RRM2B: variants seen among roughly 807,000 people sequenced by gnomAD.
RRM2B encodes the protein ribonucleotide reductase regulatory TP53 inducible subunit M2B.
In RRM2B, 20 loss-of-function variants were observed where a neutral mutation model predicts 45.9. That is an observed-to-expected ratio of 0.44 (90% CI 0.31 to 0.63). The LOEUF (loss-of-function observed/expected upper bound fraction) is 0.63. RRM2B is among the 30% of genes least tolerant of loss of function. RRM2B has a pLI of 0.09. For missense variants in RRM2B, 320 were observed against 414.7 expected (o/e 0.77, Z 1.98); for synonymous variants, 124 against 132.3 (o/e 0.94, Z 0.43).
rs1397091051 is a variant in RRM2B, at chr8:102,214,175, A to G, written c.685-17T>C. 6 of 1,541,222 alleles carry G rather than the reference A, an allele frequency of 3.9e-6. No individual in the cohort carries two copies. The highest frequency in any genetic ancestry group is 4.5e-6 in the Non-Finnish European group (5 of 1,114,356). ...GTGAAGTCCCTAAAAGGGAAGAAAA[A>G]TGTCATTGTCAAATAACTTTTAATC... On this transcript the variant is annotated splice_polypyrimidine_tract_variant and intron_variant, in intron 6 of 8. Coordinates refer to ENST00000251810, the MANE Select transcript of RRM2B (RefSeq NM_015713.5).
At position 102,224,879 on chromosome 8, in the gene RRM2B, C is replaced by T. The variant is rs767145845; in HGVS notation, c.455+6G>A. On this transcript the variant is annotated splice_donor_region_variant and intron_variant, in intron 4 of 8. Coordinates refer to ENST00000251810, the MANE Select transcript of RRM2B (RefSeq NM_015713.5). The stretch of plus-strand genomic sequence containing the variant: ...CAATATTTTGTAAATAAAATCCCAA[C>T]AATACCTTTTCTTGGGATCTCTGAT... 8 of 1,612,818 alleles carry T rather than the reference C, an allele frequency of 5.0e-6. No homozygotes were observed. Among genetic ancestry groups the T allele is most frequent in the African/African-American group, 2.7e-5 (2 of 74,898 alleles).
chr8:102,226,010 G>C lies in RRM2B; in HGVS notation c.229C>G (p.His77Asp). Reference protein sequence around the residue: ...EEVDLSKDLPHWNKLKADEKY... With the variant: ...EEVDLSKDLPDWNKLKADEKY... Reference sequence around the variant, plus strand: ...TCATCTGCTTTAAGCTTGTTCCAGTGAGGGAGATCCTTTGATAAGTCGACC... The same window carrying C: ...TCATCTGCTTTAAGCTTGTTCCAGTCAGGGAGATCCTTTGATAAGTCGACC... Residue 77 changes from histidine (H) to aspartate (D), a missense_variant, in exon 3 of 9, where the codon CAC (histidine) becomes GAC (aspartate). Physicochemically the swap from His to Asp is moderately conservative, Grantham distance 81 (BLOSUM62 -1). This residue lies in a region of RRM2B where 225 missense variants were observed against 289.4 expected (regional missense o/e 0.78). Coordinates refer to ENST00000251810, the MANE Select transcript of RRM2B (RefSeq NM_015713.5). 6.2e-7 allele frequency: 1 copy of C among 1,610,540 alleles called. No homozygotes were observed. Among genetic ancestry groups the C allele is most frequent in the African/African-American group, 1.3e-5 (1 of 74,950 alleles).
chr8:102,214,304 T>C lies in RRM2B; in HGVS notation c.685-146A>G. 7 of 669,562 alleles carry C rather than the reference T, an allele frequency of 1.0e-5. No homozygotes were observed. The South Asian group carries it at 1.1e-4, about 11-fold the overall frequency. The allele number at this position is 669,562 out of a possible 1,614,324, so 41.5% of individuals were successfully genotyped here. A position where few individuals can be genotyped will look rare whatever the true frequency, so the allele number is the denominator to read the frequency against. ...AAGAGGGGTTAATAGGACTAGGAAC[T>C]TCCTTCTTTCAAATCTCATTAAATG... On this transcript the variant is annotated intron_variant, in intron 6 of 8. Coordinates refer to ENST00000251810, the MANE Select transcript of RRM2B (RefSeq NM_015713.5).
At chr8:102,225,876 C>A (rs770077260) in intron 3 of RRM2B, 42 bp downstream of exon 3, 4 of 1,044,724 alleles carry the variant, frequency 3.8e-6, no homozygotes, top group South Asian at 3.8e-5. Context: ...CATCATTTAA[C>A]TGCTAAAGGA....
intron 8 of RRM2B, among the ~76,000 whole-genome samples, chr8:102,208,816 G>A (rs1226391482): frequency 1.3e-5 from 2 of 152,088 alleles, no homozygotes; most frequent in Non-Finnish European, 2.9e-5. Flanking sequence ...AACAAAAAGG[G>A]GGACTATGCT....
In RRM2B at chr8:102,212,898, A is replaced by G. The variant is rs573435546; in HGVS notation, c.790-9T>C. The stretch of plus-strand genomic sequence containing the variant: ...GCTTCTGTTAAAAACTCCTGGGATG[A>G]AAACAAAAACAGAATAAAGTACAAA... On this transcript the variant is annotated splice_polypyrimidine_tract_variant and intron_variant, in intron 7 of 8. Coordinates refer to ENST00000251810, the MANE Select transcript of RRM2B (RefSeq NM_015713.5). The G allele has an allele frequency of 3.6e-5, 48 of 1,325,304 alleles. No individual in the cohort carries two copies. The South Asian group carries it at 4.6e-4, about 13-fold the overall frequency. 82.1% of individuals were successfully genotyped at this position (1,325,304 alleles called of 1,614,324 possible).
chr8:102,231,066 C>A (rs1037324401), intron 2 of RRM2B, among the ~76,000 whole-genome samples: 1 of 152,164 alleles, frequency 6.6e-6, no homozygotes, highest in Non-Finnish European at 1.5e-5. Flanking sequence ...ATAGATACAT[C>A]TATCTATAGA....
chr8:102,237,741 G>A (rs1811145788), intron 1 of RRM2B, among the ~76,000 whole-genome samples: 1 of 152,156 alleles, frequency 6.6e-6, no homozygotes, highest in African/African-American at 2.4e-5. Flanking sequence ...CCTTTGAGTA[G>A]GGAAGTTGGT....
At chr8:102,224,264 C>T in intron 4 of RRM2B, 124 bp from the exon 5 acceptor site, 3 of 657,028 alleles carry the variant, frequency 4.6e-6, no homozygotes, top group Non-Finnish European at 8.2e-6. Flanking sequence ...TCACTGCAAG[C>T]TCCACCTCCC....
At chr8:102,215,971 A>G (rs868118777) in intron 6 of RRM2B, among the ~76,000 whole-genome samples, 1 of 150,026 alleles carries the variant, frequency 6.7e-6, no homozygotes, top group Non-Finnish European at 1.5e-5. Context: ...AAAAAAGAAT[A>G]GAATAAACGG....
chr8:102,231,095 T>TAC (rs1427346006), intron 2 of RRM2B, among the ~76,000 whole-genome samples: 5 of 152,196 alleles, frequency 3.3e-5, no homozygotes, highest in Non-Finnish European at 5.9e-5. Flanking sequence ...TACAAACATA[T>TAC]ACAGAACAAG....
rs746193486 is a variant in RRM2B at position 102,238,862 on chromosome 8, C to T, written c.13G>A (p.Glu5Lys). The T allele has an allele frequency of 6.2e-7, 1 of 1,612,668 alleles. No individual in the cohort carries two copies. Among genetic ancestry groups the T allele is most frequent in the South Asian group, 1.1e-5 (1 of 91,086 alleles). Residue 5 changes from glutamate to lysine, a missense_variant, in exon 1 of 9, where the codon GAA (glutamate) becomes AAA (lysine). Coordinates refer to ENST00000251810, the MANE Select transcript of RRM2B (RefSeq NM_015713.5). The stretch of plus-strand genomic sequence containing the variant: ...TCCAGCCCGGCCGCTTCCGGCCTTT[C>T]CGGGTCGCCCATCGCGCAGACTCCG... The part of the protein sequence containing the change: MGDP[E>K]RPEAAGLDQD...
At chr8:102,226,796 C>T (rs573097180) in intron 2 of RRM2B, among the ~76,000 whole-genome samples, 32 of 152,312 alleles carry the variant, frequency 2.1e-4, no homozygotes, top group Admixed American at 5.2e-4. Flanking sequence ...TCACTGCAAC[C>T]TTCGCCTCCC....
At chr8:102,233,835 T>C (rs1319616361) in intron 1 of RRM2B, among the ~76,000 whole-genome samples, 1 of 152,178 alleles carries the variant, frequency 6.6e-6, no homozygotes, top group Admixed American at 6.5e-5. Flanking sequence ...TTTTTAAGAC[T>C]GGGTCTTGCT....
At chr8:102,236,316 T>G (rs969279876) in intron 1 of RRM2B, among the ~76,000 whole-genome samples, 1 of 151,898 alleles carries the variant, frequency 6.6e-6, no homozygotes, top group African/African-American at 2.4e-5. Flanking sequence ...CCCCACAGAT[T>G]TGGGGGTACA....
intron 1 of RRM2B, among the ~76,000 whole-genome samples, chr8:102,235,315 T>C (rs1157072537): frequency 1.3e-5 from 2 of 152,172 alleles, no homozygotes; most frequent in Non-Finnish European, 2.9e-5. Context: ...GCAAGAACAG[T>C]TAAAGATGCC....
intron 8 of RRM2B, among the ~76,000 whole-genome samples, chr8:102,209,347 C>T (rs987361477): frequency 6.6e-6 from 1 of 152,144 alleles, no homozygotes; most frequent in African/African-American, 2.4e-5. Context: ...AATAGACAAA[C>T]TGATACTTCT....
intron 3 of RRM2B, 86 bp from the exon 4 acceptor site, chr8:102,225,104 G>T: frequency 1.4e-6 from 2 of 1,411,954 alleles, no homozygotes; most frequent in South Asian, 1.2e-5. Context: ...CAGCATTATC[G>T]CTTAAAAACT....
At chr8:102,218,725 CAAA>C (rs573218615) in intron 6 of RRM2B, 86 bp downstream of exon 6, 7,851 of 774,368 alleles carry the variant, frequency 0.01, no homozygotes, top group Middle Eastern at 0.013. Flanking sequence ...GATCCTGTCT[CAAA>C]AAAAAAAAAA....
Sources: gnomAD v4.1 joint callset for allele counts (sites outside exome capture counted in the v4.1 genomes callset) on GRCh38, gnomAD v4.1.1 for gene constraint, gnomAD v4.1.1 regional missense constraint, MANE v1.5 for transcripts, NCBI Gene and HGNC (gene_info 2026-07-23, HGNC 2026-07-21) for gene names.